The following SPIRE1 variants were observed in gnomAD, a reference collection of about 807,000 sequenced individuals.
SPIRE1 encodes the protein spire type actin nucleation factor 1, also known as protein spire homolog 1.
In SPIRE1, 40 loss-of-function variants were observed where a neutral mutation model predicts 94.1. The observed-to-expected ratio is 0.43, with a 90% confidence interval of 0.33 to 0.55. SPIRE1 has a LOEUF of 0.55. Ranked by LOEUF, SPIRE1 falls within the 20% of genes least tolerant of loss-of-function variation. The pLI, the probability that SPIRE1 is intolerant of heterozygous loss-of-function variation, is 0.06. For synonymous variants in SPIRE1, 376 were observed against 371.7 expected, an observed-to-expected ratio of 1.01 and a Z score of -0.13; for missense variants, 838 against 975.2, an observed-to-expected ratio of 0.86 and a Z score of 1.87.
intron 2 of SPIRE1, among the ~76,000 whole-genome samples, chr18:12,632,456 T>A (rs192289138): frequency 9.5e-4 from 145 of 152,308 alleles, no homozygotes; most frequent in Non-Finnish European, 1.7e-3. Context: ...ACCAAACTTC[T>A]AAGAAAAAGT....
chr18:12,568,829 G>A (rs557697265), intron 2 of SPIRE1, among the ~76,000 whole-genome samples: 1 of 152,126 alleles, frequency 6.6e-6, no homozygotes, highest in African/African-American at 2.4e-5. Context: ...TGGAACTTAT[G>A]AACACAGAAA....
chr18:12,660,978 T>TA (rs1310734650), upstream of SPIRE1, among the ~76,000 whole-genome samples: 1 of 149,906 alleles, frequency 6.7e-6, no homozygotes, highest in Admixed American at 6.6e-5. Context: ...GACTATAACT[T>TA]ACTAACTTCT....
At chr18:12,530,226 CTTTGCCT>C (rs1567912538) in intron 4 of SPIRE1, among the ~76,000 whole-genome samples, 1 of 152,144 alleles carries the variant, frequency 6.6e-6, no homozygotes, top group Non-Finnish European at 1.5e-5. Context: ...TCTATATACA[CTTTGCCT>C]ACAACGTAAG....
chr18:12,470,787 C>T (rs146886968), intron 10 of SPIRE1, among the ~76,000 whole-genome samples: 16 of 152,156 alleles, frequency 1.1e-4, no homozygotes, highest in African/African-American at 3.6e-4. Context: ...TACTGCCTGG[C>T]CTGCTTCCCG....
chr18:12,570,936 T>C (rs1265958380), intron 2 of SPIRE1, among the ~76,000 whole-genome samples: 1 of 152,196 alleles, frequency 6.6e-6, no homozygotes, highest in Non-Finnish European at 1.5e-5. Context: ...TCAACCAGAA[T>C]GGCCAAGTCA....
At chr18:12,538,021 G>T (rs1425044096) in intron 3 of SPIRE1, among the ~76,000 whole-genome samples, 1 of 152,028 alleles carries the variant, frequency 6.6e-6, no homozygotes, top group African/African-American at 2.4e-5. Context: ...ATATGGAATT[G>T]CAAGGGGCCC....
At chr18:12,555,303 AT>A (rs1397142281) in intron 2 of SPIRE1, among the ~76,000 whole-genome samples, 2 of 143,208 alleles carry the variant, frequency 1.4e-5, no homozygotes, top group Admixed American at 1.4e-4. Context: ...ACAAAGACTT[AT>A]CAAAAAAAAA....
chr18:12,546,508 C>G (rs968916674), intron 3 of SPIRE1, among the ~76,000 whole-genome samples, 166 bp downstream of exon 3: 2 of 151,956 alleles, frequency 1.3e-5, no homozygotes, highest in African/African-American at 4.8e-5. Context: ...TGGCATACAC[C>G]TGTAGTCCCA....
At chr18:12,546,647 C>T (rs142233448) in intron 3 of SPIRE1, 27 bp downstream of exon 3, 25 of 1,514,646 alleles carry the variant, frequency 1.7e-5, no homozygotes, top group African/African-American at 2.8e-5. Flanking sequence ...TTGAAAAAAA[C>T]AAGTACTGCA....
At chr18:12,633,355 T>C (rs58664932) in intron 2 of SPIRE1, among the ~76,000 whole-genome samples, 3,226 of 152,110 alleles carry the variant, frequency 0.021, 118 homozygotes, top group African/African-American at 0.07. Flanking sequence ...TAATGGTGGA[T>C]CACCTGAGAC....
At chr18:12,612,386 G>A (rs1169700058) in intron 2 of SPIRE1, among the ~76,000 whole-genome samples, 2 of 151,978 alleles carry the variant, frequency 1.3e-5, no homozygotes, top group Admixed American at 6.6e-5. Flanking sequence ...CTCCTGTCTC[G>A]CCATCCTCTT....
intron 2 of SPIRE1, among the ~76,000 whole-genome samples, chr18:12,602,438 G>A (rs1045841410): frequency 1.3e-5 from 2 of 152,190 alleles, no homozygotes; most frequent in Admixed American, 6.5e-5. Context: ...AGCCAGCAAG[G>A]AGAGGCTGCT....
intron 14 of SPIRE1, 54 bp from the exon 15 acceptor site, chr18:12,452,566 G>A: frequency 1.9e-6 from 3 of 1,578,294 alleles, no homozygotes; most frequent in Non-Finnish European, 2.6e-6. Context: ...ACGCAACTGG[G>A]AGTTAGAGAA....
intron 7 of SPIRE1, among the ~76,000 whole-genome samples, chr18:12,495,378 AAATATGTC>A (rs1202887996): frequency 6.6e-6 from 1 of 152,200 alleles, no homozygotes; most frequent in Non-Finnish European, 1.5e-5. Context: ...ATTTATTATA[AAATATGTC>A]AATATGACAA....
chr18:12,571,085 A>AT (rs2035949421), intron 2 of SPIRE1, among the ~76,000 whole-genome samples: 1 of 151,738 alleles, frequency 6.6e-6, no homozygotes, highest in Non-Finnish European at 1.5e-5. Flanking sequence ...TATTAATTTT[A>AT]TTTTTTTGAG....
chr18:12,579,045 T>G (rs1468543755), intron 2 of SPIRE1, among the ~76,000 whole-genome samples: 2 of 152,114 alleles, frequency 1.3e-5, no homozygotes, highest in Non-Finnish European at 2.9e-5. Flanking sequence ...ATGGGTCTTT[T>G]TGAATTTTTT....
chr18:12,606,407 CAAAG>C (rs1322923628), intron 2 of SPIRE1, among the ~76,000 whole-genome samples: 1 of 152,010 alleles, frequency 6.6e-6, no homozygotes, highest in Non-Finnish European at 1.5e-5. Flanking sequence ...AGAAAAGAAA[CAAAG>C]AAAAAGGAAA....
At position 12,598,390 on chromosome 18, in the gene SPIRE1, A is replaced by G. The variant is rs8093719; in HGVS notation, c.372+36672T>C. On this transcript the variant is annotated intron_variant, in intron 2 of 16. Transcript: ENST00000409402. ...CTATACAGTAGAAAACTATACTTCT[A>G]TAACAACTGGCTTTCTGGCAGTATC... 3.6e-3 allele frequency among the ~76,000 whole-genome samples: 549 copies of G among 152,290 alleles called. 1 individual carries two copies. Among genetic ancestry groups the G allele is most frequent in the African/African-American group, 0.012 (516 of 41,566 alleles).
intron 2 of SPIRE1, among the ~76,000 whole-genome samples, chr18:12,596,996 T>A (rs557372508): frequency 6.7e-6 from 1 of 149,180 alleles, no homozygotes; most frequent in South Asian, 2.1e-4. Flanking sequence ...CCTGCTCCAG[T>A]CACCACTGCC....
Sources: allele counts gnomAD v4.1 joint callset (sites outside exome capture counted in the v4.1 genomes callset), GRCh38; gene constraint gnomAD v4.1.1; transcripts MANE v1.5; gene names NCBI Gene and HGNC (gene_info 2026-07-23, HGNC 2026-07-21).